Variants in ALDOB observed in about 807,000 individuals in gnomAD.
ALDOB encodes the protein aldolase, fructose-bisphosphate B.
In ALDOB, 39 loss-of-function variants were observed where a neutral mutation model predicts 41.0. The observed-to-expected ratio is 0.95, with a 90% confidence interval of 0.74 to 1.24. ALDOB has a LOEUF of 1.24. ALDOB is among the 50% of genes most tolerant of loss of function. The probability of loss-of-function intolerance (pLI) is 0.00; values close to 1 mark genes in which losing one functional copy is unlikely to be tolerated. For missense variants in ALDOB, 530 were observed against 457.3 expected, an observed-to-expected ratio of 1.16 and a Z score of -1.45; for synonymous variants, 175 against 168.8, an observed-to-expected ratio of 1.04 and a Z score of -0.28.
intron 1 of ALDOB, among the ~76,000 whole-genome samples, chr9:101,434,224 C>T (rs1831259680): frequency 6.6e-6 from 1 of 152,196 alleles, no homozygotes; most frequent in African/African-American, 2.4e-5. Flanking sequence ...TGCGTCAACC[C>T]TGTCACTTTA....
At chr9:101,426,407 A>C (rs139745748) in intron 6 of ALDOB, 148 bp downstream of exon 6, 426 of 657,286 alleles carry the variant, frequency 6.5e-4, no homozygotes, top group African/African-American at 5.4e-3. Flanking sequence ...CAAAAAGGTG[A>C]AGGGCTGATG....
chr9:101,429,033 A>G (rs939443363), intron 3 of ALDOB, among the ~76,000 whole-genome samples: 1 of 152,220 alleles, frequency 6.6e-6, no homozygotes, highest in African/African-American at 2.4e-5. Context: ...TTTATGCACT[A>G]TTGGAAGACC....
intron 6 of ALDOB, 23 bp from the exon 7 acceptor site, chr9:101,425,650 A>G (rs1411832465): frequency 4.3e-6 from 7 of 1,613,688 alleles, no homozygotes; most frequent in Non-Finnish European, 5.1e-6. Flanking sequence ...AGGTCCCACC[A>G]GGTGAAACTC....
intron 1 of ALDOB, among the ~76,000 whole-genome samples, chr9:101,432,670 G>A (rs763888938): frequency 5.3e-5 from 8 of 152,266 alleles, no homozygotes; most frequent in Middle Eastern, 3.4e-3. Flanking sequence ...AATCCCAGAA[G>A]GTGGTTGGGC....
chr9:101,423,284 C>T (rs934693337), intron 8 of ALDOB, among the ~76,000 whole-genome samples: 4 of 152,158 alleles, frequency 2.6e-5, no homozygotes, highest in South Asian at 2.1e-4. Context: ...CAGAGGCTAT[C>T]GGTAAAATTT....
intron 1 of ALDOB, among the ~76,000 whole-genome samples, chr9:101,433,563 G>A (rs1042484390): frequency 1.3e-5 from 2 of 152,126 alleles, no homozygotes; most frequent in Non-Finnish European, 2.9e-5. Flanking sequence ...TTTTCAGTGT[G>A]ATGGAAGTTG....
chr9:101,427,351 G>A (rs1831146171), intron 5 of ALDOB, 131 bp downstream of exon 5: 1 of 1,226,352 alleles, frequency 8.2e-7, no homozygotes, highest in East Asian at 2.5e-5. Flanking sequence ...AGCAAAAGTT[G>A]TGAAAAATGC....
At chr9:101,421,940 G>A (rs1189996959) in intron 8 of ALDOB, 36 bp from the exon 9 acceptor site, 1 of 1,563,028 alleles carries the variant, frequency 6.4e-7, no homozygotes, top group South Asian at 1.1e-5. Context: ...ACTGGTTAGA[G>A]TAAATGTGAC....
At position 101,427,629 on chromosome 9, in the gene ALDOB, G is replaced by C; in HGVS notation, c.393C>G (p.Leu131=). The change falls in exon 5 of 9, where the codon CTC becomes CTG. Residue 131 remains leucine, a synonymous_variant. Coordinates refer to ENST00000647789, the MANE Select transcript of ALDOB (RefSeq NM_000035.4). ...TCTTGTACTGAGCACAGCGCTCTGA[G>C]AGGCCATCAAGCCCTGCAAGTCACA... The part of the protein sequence containing the change: ...KETTIQGLDG[L]SERCAQYKKD... 1 of 1,614,124 alleles carries C rather than the reference G, an allele frequency of 6.2e-7. No homozygotes were observed. The highest frequency in any genetic ancestry group is 8.5e-7 in the Non-Finnish European group (1 of 1,180,030).
chr9:101,428,522 A>T lies in ALDOB; in HGVS notation c.326T>A (p.Leu109Ter), dbSNP rs1264074747. Residue 109 changes from leucine (L) to a stop codon, truncating the protein, a stop_gained and splice_region_variant, in exon 4 of 9, where the codon TTA becomes TAA. Transcript: ENST00000647789. LOFTEE classifies it high-confidence loss of function. ...KEKGIVVGIKLDQGGAPLAGT... is the reference protein window; with the variant it reads ...KEKGIVVGIK Reference sequence around the variant, plus strand: ...TGCAAGAGGAGCACCTCCTTGGTCTAACTGTGGATACAAATAATTAACAGG... The same window carrying T: ...TGCAAGAGGAGCACCTCCTTGGTCTTACTGTGGATACAAATAATTAACAGG... 1 of 1,613,344 alleles carries T rather than the reference A, an allele frequency of 6.2e-7. No homozygotes were observed. Among genetic ancestry groups the T allele is most frequent in the Non-Finnish European group, 8.5e-7 (1 of 1,179,234 alleles).
intron 6 of ALDOB, among the ~76,000 whole-genome samples, 160 bp from the exon 7 acceptor site, chr9:101,425,787 T>C (rs1831119583): frequency 6.6e-6 from 1 of 152,188 alleles, no homozygotes; most frequent in African/African-American, 2.4e-5. Context: ...GACCAATGTG[T>C]TGCAATCCAT....
In ALDOB at chr9:101,430,844, TC is replaced by T. The variant is rs1831209087; in HGVS notation, c.43del (p.Glu15SerfsTer23). 6.2e-7 allele frequency: 1 copy of T among 1,614,184 alleles called. No homozygotes were observed. Among genetic ancestry groups the T allele is most frequent in the East Asian group, 2.2e-5 (1 of 44,882 alleles). ...FPALTQEQKK[E>X]LSEIAQSIVA... ...AATGCTCTGGGCAATTTCTGAGAGCTCCTTCTTCTGCTCCTGGGTGAGGGCT... is the reference window on the plus strand; with the variant it reads ...AATGCTCTGGGCAATTTCTGAGAGCTCTTCTTCTGCTCCTGGGTGAGGGCT... On this transcript the variant is annotated frameshift_variant, in exon 2 of 9. Transcript: ENST00000647789. LOFTEE classifies it high-confidence loss of function.
rs1564077443 is a variant in ALDOB, at chr9:101,425,501, T to G, written c.751A>C (p.Met251Leu). The part of the protein sequence containing the change: ...TKKYTPEQVA[M>L]ATVTALHRTV... ...CGGTGGAGAGCTGTTACGGTGGCCA[T>G]AGCTACTTGTTCTGGAGTATACTTC... The change falls in exon 7 of 9, where the codon ATG becomes CTG. Residue 251 changes from methionine to leucine, a missense_variant. By Grantham distance (15) the Met-to-Leu change is conservative (BLOSUM62 2). Transcript: ENST00000647789. 6.2e-7 allele frequency: 1 copy of G among 1,614,150 alleles called. No individual in the cohort carries two copies. Among genetic ancestry groups the G allele is most frequent in the Non-Finnish European group, 8.5e-7 (1 of 1,180,026 alleles).
At chr9:101,425,689 G>A in intron 6 of ALDOB, 62 bp from the exon 7 acceptor site, 1 of 1,568,408 alleles carries the variant, frequency 6.4e-7, no homozygotes, top group Admixed American at 1.7e-5. Context: ...ACTTGACCTT[G>A]GCACATTTAC....
Position 101,425,773 on chromosome 9 carries a change from A to G in ALDOB, c.625-146T>C, listed in dbSNP as rs35869228. 9 of 832,870 alleles carry G rather than the reference A, an allele frequency of 1.1e-5. No homozygotes were observed. In the East Asian group the frequency reaches 2.1e-4, roughly 19 times the overall value. The allele number at this position is 832,870 out of a possible 1,614,324, so 51.6% of individuals were successfully genotyped here. ...GCTTCTGAACCAATCTCCAGGCCTCATTAGACCAATGTGTTGCAATCCATA... is the reference window on the plus strand; with the variant it reads ...GCTTCTGAACCAATCTCCAGGCCTCGTTAGACCAATGTGTTGCAATCCATA... On this transcript the variant is annotated intron_variant, in intron 6 of 8. Coordinates refer to ENST00000647789, the MANE Select transcript of ALDOB (RefSeq NM_000035.4).
chr9:101,433,059 G>A (rs997511088), intron 1 of ALDOB, among the ~76,000 whole-genome samples: 4 of 152,184 alleles, frequency 2.6e-5, no homozygotes, highest in African/African-American at 7.2e-5. Flanking sequence ...GGATTAAATG[G>A]TGATAATAAC....
chr9:101,427,994 C>T (rs1328060274), intron 4 of ALDOB, among the ~76,000 whole-genome samples: 4 of 152,194 alleles, frequency 2.6e-5, no homozygotes, highest in African/African-American at 4.8e-5. Context: ...TTCTGCTTAG[C>T]TAACCCAATG....
intron 1 of ALDOB, among the ~76,000 whole-genome samples, chr9:101,432,431 C>T (rs887290963): frequency 9.9e-5 from 15 of 152,168 alleles, no homozygotes; most frequent in African/African-American, 3.6e-4. Context: ...TCCAGATCAT[C>T]ATGCTGAAAA....
In ALDOB at chr9:101,421,403, T is replaced by C. The variant is rs917684057; in HGVS notation, c.*406A>G. ...AAGGTTTATAGAATATTTATTTCTT[T>C]TTTGGTTGCAGCTATCTCCTTCCCA... On this transcript the variant is annotated 3_prime_UTR_variant, in exon 9 of 9. Coordinates refer to ENST00000647789, the MANE Select transcript of ALDOB (RefSeq NM_000035.4). 9.9e-6 allele frequency: 3 copies of C among 302,952 alleles called. No homozygotes were observed. The Admixed American group carries it at 1.3e-4, about 14-fold the overall frequency. 18.8% of individuals were successfully genotyped at this position (302,952 alleles called of 1,614,324 possible). A position where few individuals can be genotyped will look rare whatever the true frequency, so the allele number is the denominator to read the frequency against.
Sources: gnomAD v4.1 joint callset for allele counts (sites outside exome capture counted in the v4.1 genomes callset) on GRCh38, gnomAD v4.1.1 for gene constraint, MANE v1.5 for transcripts, NCBI Gene and HGNC (gene_info 2026-07-23, HGNC 2026-07-21) for gene names.